The following HS3ST3A1 variants were observed in gnomAD, a reference collection of about 807,000 sequenced individuals.
The protein encoded by HS3ST3A1 is heparan sulfate-glucosamine 3-sulfotransferase 3A1.
In HS3ST3A1, 19 loss-of-function variants were observed where a neutral mutation model predicts 25.7. That is an observed-to-expected ratio of 0.74 (90% CI 0.52 to 1.08). The LOEUF is 1.08. HS3ST3A1 is among the 50% of genes least tolerant of loss of function. The probability of loss-of-function intolerance (pLI) is 0.00; values close to 1 mark genes in which losing one functional copy is unlikely to be tolerated. For missense variants in HS3ST3A1, 459 were observed against 594.3 expected, an observed-to-expected ratio of 0.77 and a Z score of 2.37; for synonymous variants, 226 against 278.6, an observed-to-expected ratio of 0.81 and a Z score of 1.88.
At chr17:13,567,793 C>T (rs1907711129) in intron 1 of HS3ST3A1, among the ~76,000 whole-genome samples, 1 of 152,180 alleles carries the variant, frequency 6.6e-6, no homozygotes, top group Non-Finnish European at 1.5e-5. Flanking sequence ...TAATGAGTTG[C>T]TTCTTATGGA....
At chr17:13,592,497 A>T (rs989917828) in intron 1 of HS3ST3A1, among the ~76,000 whole-genome samples, 2 of 152,238 alleles carry the variant, frequency 1.3e-5, no homozygotes, top group Non-Finnish European at 2.9e-5. Context: ...TATAGCCACT[A>T]AAATGGAAAA....
intron 1 of HS3ST3A1, among the ~76,000 whole-genome samples, chr17:13,549,088 G>A (rs1236992604): frequency 6.6e-6 from 1 of 152,150 alleles, no homozygotes; most frequent in African/African-American, 2.4e-5. Context: ...CTTTGGGTCC[G>A]CACTACCTTT....
rs1468288662 is a variant in HS3ST3A1 at position 13,512,630 on chromosome 17, A to T, written c.600-15812T>A. On this transcript the variant is annotated intron_variant, in intron 1 of 1. Transcript: ENST00000284110. ...TGACAGAGATCACGTGGCCTGCAAA[A>T]TATTCATTATCTGGACCTTTTCATA... 2.6e-5 allele frequency among the ~76,000 whole-genome samples: 4 copies of T among 152,210 alleles called. No homozygotes were observed. The East Asian group carries it at 7.7e-4, about 29-fold the overall frequency.
At chr17:13,529,174 G>A (rs1906526679) in intron 1 of HS3ST3A1, among the ~76,000 whole-genome samples, 1 of 152,050 alleles carries the variant, frequency 6.6e-6, no homozygotes, top group African/African-American at 2.4e-5. Context: ...TGAAAAAATA[G>A]CACCTGCTAT....
rs192881207 is a variant in HS3ST3A1 at position 13,536,541 on chromosome 17, G to C, written c.600-39723C>G. Among the ~76,000 whole-genome samples the C allele has an allele frequency of 1.6e-3, 238 of 152,292 alleles. 2 individuals are homozygous for C. Among genetic ancestry groups the C allele is most frequent in the Non-Finnish European group, 2.6e-3 (175 of 68,024 alleles). On this transcript the variant is annotated intron_variant, in intron 1 of 1. Coordinates refer to ENST00000284110, the MANE Select transcript of HS3ST3A1 (RefSeq NM_006042.3). Reference sequence around the variant, plus strand: ...AAGGGGAAAGTTTTCTTGGAATTAAGATTCAAATTCCATAATACAGAGAAG... The same window carrying C: ...AAGGGGAAAGTTTTCTTGGAATTAACATTCAAATTCCATAATACAGAGAAG...
At chr17:13,585,186 CTTTTTTTTTTTTT>C (rs71144977) in intron 1 of HS3ST3A1, among the ~76,000 whole-genome samples, 36 of 33,248 alleles carry the variant, frequency 1.1e-3, no homozygotes, top group South Asian at 7.5e-3. Context: ...TTTTTCTGTG[CTTTTTTTTTTTTT>C]TTTTTTTTTT....
chr17:13,595,871 G>C (rs1396307288), intron 1 of HS3ST3A1, among the ~76,000 whole-genome samples: 1 of 151,904 alleles, frequency 6.6e-6, no homozygotes, highest in Non-Finnish European at 1.5e-5. Context: ...TGTTGTTGTT[G>C]TTGTTGATAT....
At chr17:13,592,101 T>C (rs1395756294) in intron 1 of HS3ST3A1, among the ~76,000 whole-genome samples, 4 of 152,222 alleles carry the variant, frequency 2.6e-5, no homozygotes, top group Non-Finnish European at 5.9e-5. Context: ...GAACTACCTC[T>C]GGGCAGTTCT....
At position 13,548,761 on chromosome 17, in the gene HS3ST3A1, C is replaced by T. The variant is rs11869547; in HGVS notation, c.599+51770G>A. On this transcript the variant is annotated intron_variant, in intron 1 of 1. Transcript: ENST00000284110. ...CACTCTGTAAAAACGCACCAATCAG[C>T]GTTCTTGTGTCTAGCTAAAGGTTTA... Among the ~76,000 whole-genome samples the T allele has an allele frequency of 5.6e-3, 852 of 152,246 alleles. 8 individuals carry two copies. The highest frequency in any genetic ancestry group is 0.02 in the African/African-American group (816 of 41,532).
chr17:13,499,212 G>A (rs1214543318), intron 1 of HS3ST3A1, among the ~76,000 whole-genome samples: 1 of 152,112 alleles, frequency 6.6e-6, no homozygotes, highest in African/African-American at 2.4e-5. Flanking sequence ...CAGATTCCGC[G>A]GTGTGACATG....
At chr17:13,507,805 T>A (rs780368490) in intron 1 of HS3ST3A1, among the ~76,000 whole-genome samples, 4 of 152,190 alleles carry the variant, frequency 2.6e-5, no homozygotes, top group African/African-American at 9.7e-5. Flanking sequence ...CATGCTCTTT[T>A]CATGGCCATG....
chr17:13,514,408 T>C (rs930271541), intron 1 of HS3ST3A1, among the ~76,000 whole-genome samples: 1 of 152,196 alleles, frequency 6.6e-6, no homozygotes, highest in Non-Finnish European at 1.5e-5. Context: ...TCAGTTTAAA[T>C]CATGGTTAAA....
intron 1 of HS3ST3A1, among the ~76,000 whole-genome samples, chr17:13,531,410 C>T (rs941504038): frequency 3.3e-5 from 5 of 152,100 alleles, no homozygotes; most frequent in African/African-American, 1.2e-4. Context: ...GGTGCTGATC[C>T]TACCCACATC....
intron 1 of HS3ST3A1, among the ~76,000 whole-genome samples, chr17:13,566,131 G>A (rs969747720): frequency 6.6e-6 from 1 of 152,182 alleles, no homozygotes. Flanking sequence ...CCTGTATCAA[G>A]TAAGTCTATC....
At chr17:13,595,213 A>G (rs1028218895) in intron 1 of HS3ST3A1, among the ~76,000 whole-genome samples, 5 of 152,202 alleles carry the variant, frequency 3.3e-5, no homozygotes, top group African/African-American at 1.2e-4. Flanking sequence ...ACCACATAGT[A>G]AGGCAAAAAT....
intron 1 of HS3ST3A1, among the ~76,000 whole-genome samples, chr17:13,560,289 CAAAAAAAAAAAAAAAAAAAAAAAAA>C (rs10632927): frequency 5.8e-5 from 1 of 17,378 alleles, no homozygotes; most frequent in South Asian, 3.4e-3. Flanking sequence ...CACTCGTCTC[CAAAAAAAAAAAAAAAAAAAAAAAAA>C]AAAAAGTGTA....
chr17:13,575,418 T>C (rs1907926196), intron 1 of HS3ST3A1, among the ~76,000 whole-genome samples: 1 of 152,188 alleles, frequency 6.6e-6, no homozygotes, highest in Admixed American at 6.5e-5. Context: ...GGGTATGCTT[T>C]GAAGAAGAAA....
chr17:13,590,604 T>C (rs1908398593), intron 1 of HS3ST3A1, among the ~76,000 whole-genome samples: 1 of 152,216 alleles, frequency 6.6e-6, no homozygotes, highest in African/African-American at 2.4e-5. Flanking sequence ...TTCTATCTTA[T>C]TGGAACTAAA....
At chr17:13,595,134 C>G (rs1908541706) in intron 1 of HS3ST3A1, among the ~76,000 whole-genome samples, 1 of 152,210 alleles carries the variant, frequency 6.6e-6, no homozygotes, top group Non-Finnish European at 1.5e-5. Context: ...CAGGCCAGTT[C>G]TGAATTTCTG....
Sources: gnomAD v4.1 joint callset for allele counts (sites outside exome capture counted in the v4.1 genomes callset) on GRCh38, gnomAD v4.1.1 for gene constraint, MANE v1.5 for transcripts, NCBI Gene and HGNC (gene_info 2026-07-23, HGNC 2026-07-21) for gene names.